CROCC2: variants seen among roughly 807,000 people sequenced by gnomAD.
CROCC2 encodes ciliary rootlet coiled-coil, rootletin family member 2, also known as ciliary rootlet coiled-coil protein 2.
Under a neutral mutation model 177.6 loss-of-function variants are expected in CROCC2, and 163 were observed. The observed-to-expected ratio is 0.92, with a 90% CI of 0.81 to 1.05. The LOEUF (loss-of-function observed/expected upper bound fraction) is 1.05, where lower values mean the gene tolerates loss of function less well. CROCC2 is among the 50% of genes least tolerant of loss of function. The pLI is 0.00. For missense variants in CROCC2, 1,929 were observed against 1,797.8 expected (o/e 1.07, Z -1.32); for synonymous variants, 904 against 787.3 (o/e 1.15, Z -2.48).
At chr2:240,916,983 C>T (rs1201396055) in intron 1 of CROCC2, among the ~76,000 whole-genome samples, 1 of 152,160 alleles carries the variant, frequency 6.6e-6, no homozygotes, top group Non-Finnish European at 1.5e-5. Flanking sequence ...CAGCTGGGCC[C>T]AGGAGGAGGA....
At chr2:240,914,349 G>C (rs1366957030) in intron 1 of CROCC2, among the ~76,000 whole-genome samples, 2 of 152,242 alleles carry the variant, frequency 1.3e-5, no homozygotes, top group East Asian at 3.9e-4. Context: ...CAGGACAATG[G>C]ATGTGAAAAC....
intron 8 of CROCC2, 133 bp downstream of exon 8, chr2:240,932,547 T>C (rs1428584861): frequency 5.8e-6 from 4 of 689,208 alleles, no homozygotes; most frequent in African/African-American, 1.8e-5. Context: ...CAGTGCACTT[T>C]GAGGCACGTC....
In CROCC2 at chr2:240,912,478, T is replaced by C. The variant is rs115590455; in HGVS notation, c.78+5887T>C. On this transcript the variant is annotated intron_variant, in intron 1 of 31. Coordinates refer to ENST00000690015, the MANE Select transcript of CROCC2 (RefSeq NM_001351305.2). ...CTCTGGAAGTGACTTTCCCATTTGA[T>C]TACTGGTTTATTATAAAGGACACAA... is the stretch of plus-strand genomic sequence containing the variant. 2.0e-3 allele frequency among the ~76,000 whole-genome samples: 297 copies of C among 152,292 alleles called. 1 individual carries two copies. Among genetic ancestry groups the C allele is most frequent in the African/African-American group, 6.9e-3 (285 of 41,550 alleles).
Position 240,935,376 on chromosome 2 carries a change from C to G in CROCC2, c.1957C>G (p.Gln653Glu), listed in dbSNP as rs1574761197. The change falls in exon 14 of 32, where the codon CAG becomes GAG. Residue 653 changes from glutamine to glutamate, a missense_variant. Physicochemically the swap from Gln to Glu is conservative, Grantham distance 29. Transcript: ENST00000690015. ...GTGGCAGCTGGAGCAGGAGCGGGAC[C>G]AGCTGCGGGAACAGCGGAAGACTCT... ...LALQLEQERD[Q>E]LREQRKTLEQ... 1 of 1,358,082 alleles carries G rather than the reference C, an allele frequency of 7.4e-7. No homozygotes were observed. Among genetic ancestry groups the G allele is most frequent in the East Asian group, 2.9e-5 (1 of 33,936 alleles). The allele number at this position is 1,358,082 out of a possible 1,614,324, so 84.1% of individuals were successfully genotyped here.
At chr2:240,927,112 A>G (rs551456499) in intron 5 of CROCC2, among the ~76,000 whole-genome samples, 10 of 152,306 alleles carry the variant, frequency 6.6e-5, no homozygotes, top group African/African-American at 2.4e-4. Flanking sequence ...CCTTAAAGAT[A>G]TGCTTTCTCT....
At chr2:240,976,009 G>A (rs189064528) in intron 27 of CROCC2, among the ~76,000 whole-genome samples, 12 of 152,190 alleles carry the variant, frequency 7.9e-5, no homozygotes, top group Non-Finnish European at 1.6e-4. Context: ...GGGATTACAG[G>A]AATGAGCCAC....
rs2059428081 is a variant in CROCC2, at chr2:240,931,138, C to A, written c.947+10C>A. ...TGGCGCTCCAGGCCAGGTGGGCGCCCAGGGCCAGCAAGCTTGCACAGGGAG... is the reference window on the plus strand; with the variant it reads ...TGGCGCTCCAGGCCAGGTGGGCGCCAAGGGCCAGCAAGCTTGCACAGGGAG... On this transcript the variant is annotated intron_variant, in intron 7 of 31. Transcript: ENST00000690015. 1.4e-6 allele frequency: 1 copy of A among 706,400 alleles called. No individual in the cohort carries two copies. Among genetic ancestry groups the A allele is most frequent in the African/African-American group, 1.8e-5 (1 of 56,918 alleles). 43.8% of individuals were successfully genotyped at this position (706,400 alleles called of 1,614,324 possible).
intron 7 of CROCC2, 102 bp from the exon 8 acceptor site, chr2:240,932,216 G>C: frequency 1.6e-6 from 1 of 627,776 alleles, no homozygotes; most frequent in Non-Finnish European, 3.0e-6. Context: ...AGCACCGGCA[G>C]GGGGGCCACC....
chr2:240,936,051 G>A (rs1053171819), intron 14 of CROCC2, among the ~76,000 whole-genome samples: 6 of 152,042 alleles, frequency 3.9e-5, no homozygotes, highest in East Asian at 3.8e-4. Context: ...ATCCTGCCTC[G>A]TTCATCCGTG....
chr2:240,931,317 C>A (rs2059429904), intron 7 of CROCC2, among the ~76,000 whole-genome samples, 189 bp downstream of exon 7: 1 of 152,186 alleles, frequency 6.6e-6, no homozygotes, highest in Non-Finnish European at 1.5e-5. Flanking sequence ...CCCCTAATGC[C>A]CAGGAGGCAG....
At chr2:240,957,917 A>G in intron 19 of CROCC2, 1 of 943,554 alleles carries the variant, frequency 1.1e-6, no homozygotes, top group Non-Finnish European at 1.3e-6. Flanking sequence ...GACCCAGGAA[A>G]GCCCTCCTGG....
At chr2:240,966,021 G>GC in intron 24 of CROCC2, 28 bp downstream of exon 24, 1 of 1,327,142 alleles carries the variant, frequency 7.5e-7, no homozygotes, top group Non-Finnish European at 9.6e-7. Context: ...AGGCAGGCGG[G>GC]CCCCTCTCCC....
At chr2:240,976,332 C>G (rs2059765218) in intron 27 of CROCC2, among the ~76,000 whole-genome samples, 6 of 109,040 alleles carry the variant, frequency 5.5e-5, no homozygotes, top group African/African-American at 1.0e-4. Flanking sequence ...CCTGCTCAGT[C>G]TCTGGGGTAG....
rs138859167 is a variant in CROCC2 at position 240,975,996 on chromosome 2, G to T, written c.4402-6884G>T. On this transcript the variant is annotated intron_variant, in intron 27 of 31. Transcript: ENST00000690015. Reference sequence around the variant, plus strand: ...TCTGCCCATCTCAGCCTCCCAAAGTGCTGGGATTACAGGAATGAGCCACAG... The same window carrying T: ...TCTGCCCATCTCAGCCTCCCAAAGTTCTGGGATTACAGGAATGAGCCACAG... Among the ~76,000 whole-genome samples, 468 of 152,278 alleles carry T rather than the reference G, an allele frequency of 3.1e-3. 5 individuals are homozygous for T. Among genetic ancestry groups the T allele is most frequent in the African/African-American group, 0.011 (454 of 41,548 alleles).
intron 3 of CROCC2, among the ~76,000 whole-genome samples, chr2:240,921,663 C>T (rs1477356300): frequency 6.6e-6 from 1 of 152,208 alleles, no homozygotes; most frequent in Non-Finnish European, 1.5e-5. Context: ...ACAGGCGGAA[C>T]GGGGTCTGGG....
intron 12 of CROCC2, 55 bp from the exon 13 acceptor site, chr2:240,934,861 C>A: frequency 7.0e-7 from 1 of 1,428,556 alleles, no homozygotes; most frequent in Non-Finnish European, 9.2e-7. Flanking sequence ...CCAGCGGCAA[C>A]AGCCCTGCCC....
At chr2:240,975,684 G>C (rs1215447661) in intron 27 of CROCC2, among the ~76,000 whole-genome samples, 1 of 149,756 alleles carries the variant, frequency 6.7e-6, no homozygotes, top group African/African-American at 2.5e-5. Context: ...CAGCTTCCCT[G>C]GGGGCATCTC....
chr2:240,963,722 T>G lies in CROCC2; in HGVS notation c.3254T>G (p.Phe1085Cys). The G allele has an allele frequency of 6.5e-7, 1 of 1,550,194 alleles. No individual in the cohort carries two copies. Among genetic ancestry groups the G allele is most frequent in the Non-Finnish European group, 8.7e-7 (1 of 1,146,770 alleles). The change falls in exon 21 of 32, where the codon TTC becomes TGC. Residue 1085 changes from phenylalanine to cysteine, a missense_variant. Transcript: ENST00000690015. Reference sequence around the variant, plus strand: ...CGCGAGAAGGACGTACTGTTGCTTTTCAACAGCGAGCTGCGGGCCACCATC... The same window carrying G: ...CGCGAGAAGGACGTACTGTTGCTTTGCAACAGCGAGCTGCGGGCCACCATC... The part of the protein sequence containing the change: ...EAREKDVLLL[F>C]NSELRATICR...
chr2:240,948,762 T>C (rs893462258), intron 15 of CROCC2, among the ~76,000 whole-genome samples: 1 of 152,192 alleles, frequency 6.6e-6, no homozygotes, highest in Admixed American at 6.5e-5. Flanking sequence ...GCGTGGCTTT[T>C]TGGGGGGACT....
Sources: gnomAD v4.1 joint callset for allele counts (sites outside exome capture counted in the v4.1 genomes callset) on GRCh38, gnomAD v4.1.1 for gene constraint, MANE v1.5 for transcripts, NCBI Gene and HGNC (gene_info 2026-07-23, HGNC 2026-07-21) for gene names.